Variants in ZNF224 observed in about 807,000 individuals in gnomAD.
ZNF224 encodes the protein bone marrow zinc finger 2.
A neutral mutation model predicts 10.5 loss-of-function variants in ZNF224; 8 were observed. That is an observed-to-expected ratio of 0.76 (90% confidence interval 0.45 to 1.37). ZNF224 has a LOEUF of 1.37. Ranked by LOEUF, ZNF224 falls within the 40% of genes most tolerant of loss-of-function variation. The probability of loss-of-function intolerance (pLI) is 0.00; values close to 1 mark genes in which losing one functional copy is unlikely to be tolerated. For missense variants in ZNF224, 754 were observed against 854.0 expected (o/e 0.88, Z 1.46); for synonymous variants, 282 against 287.8 (o/e 0.98, Z 0.20).
chr19:44,104,182 T>TA (rs1967600587), intron 5 of ZNF224, among the ~76,000 whole-genome samples: 1 of 152,216 alleles, frequency 6.6e-6, no homozygotes. Context: ...GTCTGTTTCT[T>TA]ACCTATCTCA....
intron 5 of ZNF224, among the ~76,000 whole-genome samples, chr19:44,102,980 G>GAGC (rs1232205076): frequency 6.6e-6 from 1 of 152,192 alleles, no homozygotes; most frequent in Admixed American, 6.5e-5. Context: ...ATGAGGAAGA[G>GAGC]AGCAACACAA....
chr19:44,105,118 G>A (rs1049266582), intron 5 of ZNF224, among the ~76,000 whole-genome samples: 20 of 152,188 alleles, frequency 1.3e-4, no homozygotes, highest in African/African-American at 4.3e-4. Context: ...AGGGGGCACC[G>A]ACCCCCAAAG....
intron 1 of ZNF224, 131 bp downstream of exon 1, chr19:44,094,661 G>C (rs1967403587): frequency 6.6e-6 from 1 of 152,454 alleles, no homozygotes; most frequent in Non-Finnish European, 1.5e-5. Context: ...GGTTTCCGGG[G>C]CTCTGAGCTC....
Position 44,108,021 on chromosome 19 carries a change from G to A in ZNF224, c.1861G>A (p.Glu621Lys). ...RLTHQRRHSR[E>K]TPLKCEQHGK... ...GACCCATCAGAGACGCCACAGCAGAGAAACACCTCTCAAATGTGAGCAGCA... is the reference window on the plus strand; with the variant it reads ...GACCCATCAGAGACGCCACAGCAGAAAAACACCTCTCAAATGTGAGCAGCA... Residue 621 changes from glutamate to lysine, a missense_variant, in exon 6 of 6, where the codon GAA becomes AAA. Transcript: ENST00000693561. The A allele has an allele frequency of 1.9e-6, 3 of 1,614,204 alleles. No homozygotes were observed. The highest frequency in any genetic ancestry group is 1.7e-6 in the Non-Finnish European group (2 of 1,180,046).
In ZNF224 at chr19:44,101,563, C is replaced by T. The variant is rs150113789; in HGVS notation, c.235+338C>T. ...CCCTGCCACCTCTCTAACTACATCT[C>T]CTGTCCTCTCCTTCTTGCTCTGTCT... On this transcript the variant is annotated intron_variant, in intron 5 of 5. Coordinates refer to ENST00000693561, the MANE Select transcript of ZNF224 (RefSeq NM_001321645.3). 1.0e-3 allele frequency among the ~76,000 whole-genome samples: 156 copies of T among 152,330 alleles called. 2 individuals are homozygous for T. The highest frequency in any genetic ancestry group is 3.5e-3 in the African/African-American group (145 of 41,576).
chr19:44,107,513 A>G lies in ZNF224; in HGVS notation c.1353A>G (p.Thr451=). Reference sequence around the variant, plus strand: ...TTGACTTTCACCAGCGCGTCCATACAGGAGAGAAACTGTATAATTGTAAGG... The same window carrying G: ...TTGACTTTCACCAGCGCGTCCATACGGGAGAGAAACTGTATAATTGTAAGG... ...LDLDFHQRVH[T]GEKLYNCKEC... is the part of the protein sequence containing the mutation. The change falls in exon 6 of 6, where the codon ACA becomes ACG. Residue 451 remains threonine (T), a synonymous_variant. Transcript: ENST00000693561. The G allele has an allele frequency of 1.9e-6, 3 of 1,608,242 alleles. No homozygotes were observed. The highest frequency in any genetic ancestry group is 2.5e-6 in the Non-Finnish European group (3 of 1,177,644).
Position 44,100,891 on chromosome 19 carries a change from G to C in ZNF224, c.106G>C (p.Val36Leu). 6.2e-7 allele frequency: 1 copy of C among 1,614,164 alleles called. No individual in the cohort carries two copies. Among genetic ancestry groups the C allele is most frequent in the Non-Finnish European group, 8.5e-7 (1 of 1,180,012 alleles). The change falls in exon 4 of 6, where the codon GTG becomes CTG. Residue 36 changes from valine (V) to leucine (L), a missense_variant. Physicochemically the swap from Val to Leu is conservative, Grantham distance 32 (BLOSUM62 1). Coordinates refer to ENST00000693561, the MANE Select transcript of ZNF224 (RefSeq NM_001321645.3). ...TGCTCAGAGGAAGCTGTATCGAGAT[G>C]TGATGCTGGAGAACTTCAGGAACCT... ...DLAQRKLYRD[V>L]MLENFRNLLS...
chr19:44,101,282 TC>T, intron 5 of ZNF224, 57 bp downstream of exon 5: 1 of 1,555,440 alleles, frequency 6.4e-7, no homozygotes, highest in Non-Finnish European at 8.8e-7. Context: ...TTCACTTCTG[TC>T]CATGCTCAAA....
chr19:44,097,945 A>T, intron 3 of ZNF224, 57 bp downstream of exon 3: 1 of 1,598,580 alleles, frequency 6.3e-7, no homozygotes, highest in Non-Finnish European at 8.6e-7. Context: ...TTAAATTGTC[A>T]CAAGTTTTCC....
chr19:44,106,508 C>T lies in ZNF224; in HGVS notation c.348C>T (p.Asp116=), dbSNP rs1967664967. The change falls in exon 6 of 6, where the codon GAC becomes GAT. Residue 116 remains aspartate, a synonymous_variant. Transcript: ENST00000693561. ...KIASDLTRSQ[D]LMINSSQFSK... ...CAAGTGATTTAACCAGGTCTCAAGACTTGATGATAAATAGCTCTCAGTTCT... is the reference window on the plus strand; with the variant it reads ...CAAGTGATTTAACCAGGTCTCAAGATTTGATGATAAATAGCTCTCAGTTCT... 6.2e-7 allele frequency: 1 copy of T among 1,614,166 alleles called. No individual in the cohort carries two copies. The highest frequency in any genetic ancestry group is 2.2e-5 in the East Asian group (1 of 44,876).
Position 44,107,557 on chromosome 19 carries a change from G to A in ZNF224, c.1397G>A (p.Ser466Asn), listed in dbSNP as rs890866954. ...TGTAAGGAATGTGGGAAGAGCTTTA[G>A]TCGGGCCCCATGTCTTTTGAAACAT... ...YNCKECGKSF[S>N]RAPCLLKHER... The change falls in exon 6 of 6, where the codon AGT becomes AAT. Residue 466 changes from serine (S) to asparagine (N), a missense_variant. Ser to Asn is a conservative substitution (Grantham distance 46). Coordinates refer to ENST00000693561, the MANE Select transcript of ZNF224 (RefSeq NM_001321645.3). 8 of 1,613,438 alleles carry A rather than the reference G, an allele frequency of 5.0e-6. No individual in the cohort carries two copies. The African/African-American group carries it at 5.3e-5, about 11-fold the overall frequency.
intron 5 of ZNF224, among the ~76,000 whole-genome samples, chr19:44,104,511 A>G (rs1392130691): frequency 6.6e-6 from 1 of 152,226 alleles, no homozygotes; most frequent in Non-Finnish European, 1.5e-5. Flanking sequence ...TGCACATTAC[A>G]TTTCACCAAG....
chr19:44,095,089 G>T, intron 1 of ZNF224: 1 of 227,730 alleles, frequency 4.4e-6, no homozygotes, highest in Non-Finnish European at 9.4e-6. Flanking sequence ...CAGCTTTCTC[G>T]TTCCCCAACC....
chr19:44,101,940 A>G (rs1967556184), intron 5 of ZNF224, among the ~76,000 whole-genome samples: 1 of 151,750 alleles, frequency 6.6e-6, no homozygotes, highest in Admixed American at 6.6e-5. Flanking sequence ...TTCCTCTTTC[A>G]CCTTTTGGGT....
chr19:44,103,755 A>T (rs1967593524), intron 5 of ZNF224, among the ~76,000 whole-genome samples: 1 of 151,994 alleles, frequency 6.6e-6, no homozygotes, highest in South Asian at 2.1e-4. Flanking sequence ...CATTGGCATG[A>T]TCTCAGCTCA....
At chr19:44,096,158 A>G (rs918660583) in intron 1 of ZNF224, 185 bp from the exon 2 acceptor site, 2 of 152,168 alleles carry the variant, frequency 1.3e-5, no homozygotes, top group South Asian at 4.1e-4. Flanking sequence ...TATCATACTC[A>G]TTAATCTCAT....
Position 44,108,494 on chromosome 19 carries a change from T to C in ZNF224, c.*210T>C, listed in dbSNP as rs545122761. 3 of 577,664 alleles carry C rather than the reference T, an allele frequency of 5.2e-6. No homozygotes were observed. The highest frequency in any genetic ancestry group is 9.1e-6 in the Non-Finnish European group (3 of 328,434). 35.8% of individuals were successfully genotyped at this position (577,664 alleles called of 1,614,324 possible). On this transcript the variant is annotated 3_prime_UTR_variant, in exon 6 of 6. Transcript: ENST00000693561. Reference sequence around the variant, plus strand: ...TAAGATAACATCAGTGCTTCAGCCATAGCTCAGCATGCCCCAGTAGTCTCA... The same window carrying C: ...TAAGATAACATCAGTGCTTCAGCCACAGCTCAGCATGCCCCAGTAGTCTCA...
chr19:44,096,170 ATTG>A (rs1224364070), intron 1 of ZNF224, 170 bp from the exon 2 acceptor site: 5 of 152,132 alleles, frequency 3.3e-5, no homozygotes, highest in Non-Finnish European at 5.9e-5. Flanking sequence ...TAATCTCATT[ATTG>A]TTATTATTTT....
chr19:44,098,691 C>T (rs976583323), intron 3 of ZNF224, among the ~76,000 whole-genome samples: 1 of 152,020 alleles, frequency 6.6e-6, no homozygotes, highest in Non-Finnish European at 1.5e-5. Flanking sequence ...TCGAGGGATT[C>T]TCCTGTCTCA....
Sources: allele counts gnomAD v4.1 joint callset (sites outside exome capture counted in the v4.1 genomes callset), GRCh38; gene constraint gnomAD v4.1.1; transcripts MANE v1.5; gene names NCBI Gene and HGNC (gene_info 2026-07-23, HGNC 2026-07-21).